Variants in NEK11 observed in about 807,000 individuals in gnomAD.
NEK11 encodes serine/threonine-protein kinase Nek11.
A neutral mutation model predicts 80.7 loss-of-function variants in NEK11; 72 were observed. That is an observed-to-expected ratio of 0.89 (90% confidence interval 0.74 to 1.08). The LOEUF (loss-of-function observed/expected upper bound fraction) is 1.08, where lower values mean the gene tolerates loss of function less well. NEK11 is among the 50% of genes least tolerant of loss of function. The pLI is 0.00. For missense variants in NEK11, 764 were observed against 763.6 expected (o/e 1.00, Z -0.01); for synonymous variants, 251 against 260.7 (o/e 0.96, Z 0.36).
At chr3:131,177,095 T>A (rs559690747) in intron 14 of NEK11, among the ~76,000 whole-genome samples, 1 of 152,222 alleles carries the variant, frequency 6.6e-6, no homozygotes, top group Non-Finnish European at 1.5e-5. Flanking sequence ...GGTTTTCCTT[T>A]AGTTGATGAA....
chr3:131,225,817 T>C (rs898692814), intron 14 of NEK11, among the ~76,000 whole-genome samples: 3 of 152,180 alleles, frequency 2.0e-5, no homozygotes, highest in Admixed American at 2.0e-4. Flanking sequence ...CACCAGAGTG[T>C]GTCATATGTA....
At chr3:131,270,265 C>T (rs2096154921) in intron 16 of NEK11, among the ~76,000 whole-genome samples, 1 of 152,216 alleles carries the variant, frequency 6.6e-6, no homozygotes, top group Admixed American at 6.5e-5. Context: ...TGTCATTTAG[C>T]ACTGGGCCCC....
At chr3:131,105,462 T>G (rs1326570779) in intron 4 of NEK11, among the ~76,000 whole-genome samples, 1 of 152,190 alleles carries the variant, frequency 6.6e-6, no homozygotes, top group Non-Finnish European at 1.5e-5. Context: ...TAGTCCATTC[T>G]CAATGAAGAA....
intron 17 of NEK11, among the ~76,000 whole-genome samples, chr3:131,323,810 T>C (rs1365997482): frequency 1.3e-5 from 2 of 152,226 alleles, no homozygotes; most frequent in African/African-American, 2.4e-5. Flanking sequence ...TGAGTGTCTC[T>C]AGCCAGTAAA....
chr3:131,333,934 T>C (rs1358189560), intron 17 of NEK11, among the ~76,000 whole-genome samples: 1 of 152,188 alleles, frequency 6.6e-6, no homozygotes, highest in Non-Finnish European at 1.5e-5. Context: ...TAAATGTATA[T>C]GCATCCAATA....
chr3:131,341,404 A>C (rs1002987857), intron 17 of NEK11, among the ~76,000 whole-genome samples: 5 of 152,216 alleles, frequency 3.3e-5, no homozygotes, highest in African/African-American at 1.2e-4. Context: ...ATTTTATATG[A>C]AACCAATTAT....
intron 5 of NEK11, among the ~76,000 whole-genome samples, chr3:131,130,851 G>T (rs763051662): frequency 3.9e-5 from 6 of 152,154 alleles, no homozygotes; most frequent in Non-Finnish European, 8.8e-5. Flanking sequence ...ACCCAGGCTG[G>T]AGTGCAGTGG....
intron 17 of NEK11, among the ~76,000 whole-genome samples, chr3:131,335,012 G>A (rs2097158185): frequency 6.6e-6 from 1 of 152,138 alleles, no homozygotes; most frequent in African/African-American, 2.4e-5. Context: ...GGGACCAGAT[G>A]GATTCACAGC....
chr3:131,191,653 G>A (rs1293851956), intron 14 of NEK11, among the ~76,000 whole-genome samples: 1 of 152,094 alleles, frequency 6.6e-6, no homozygotes, highest in African/African-American at 2.4e-5. Flanking sequence ...AACATTGTTT[G>A]GGGGTTATTA....
intron 14 of NEK11, among the ~76,000 whole-genome samples, chr3:131,172,648 A>G (rs1045853277): frequency 1.3e-5 from 2 of 151,714 alleles, no homozygotes; most frequent in African/African-American, 2.4e-5. Flanking sequence ...GAAATATCCC[A>G]TGGACTTCTC....
At chr3:131,206,723 GGTTT>G (rs1406205177) in intron 14 of NEK11, among the ~76,000 whole-genome samples, 1 of 152,160 alleles carries the variant, frequency 6.6e-6, no homozygotes, top group Non-Finnish European at 1.5e-5. Context: ...ACAACGTGCA[GGTTT>G]GTTACATATG....
chr3:131,273,631 A>G lies in NEK11; in HGVS notation c.1718+57A>G, dbSNP rs1257756079. The G allele has an allele frequency of 3.1e-6, 4 of 1,283,350 alleles. No individual in the cohort carries two copies. The Admixed American group carries it at 5.2e-5, about 17-fold the overall frequency. 79.5% of individuals were successfully genotyped at this position (1,283,350 alleles called of 1,614,324 possible). On this transcript the variant is annotated intron_variant, in intron 17 of 17. Coordinates refer to ENST00000383366, the MANE Select transcript of NEK11 (RefSeq NM_024800.5). ...GTGCAGTGTTAAAGCATATTGACCA[A>G]GTGTGTGACCCAGTCATGTGATACT...
intron 10 of NEK11, among the ~76,000 whole-genome samples, chr3:131,157,710 G>C (rs1007972598): frequency 4.6e-5 from 7 of 152,126 alleles, no homozygotes; most frequent in South Asian, 2.1e-4. Context: ...TGGGCTGAAG[G>C]GGGAGGAAGG....
intron 10 of NEK11, 34 bp downstream of exon 10, chr3:131,155,155 G>C (rs770603121): frequency 2.3e-6 from 3 of 1,300,036 alleles, no homozygotes; most frequent in African/African-American, 2.9e-5. Flanking sequence ...AAAGCCCATC[G>C]AGTGTAAATG....
intron 14 of NEK11, among the ~76,000 whole-genome samples, chr3:131,213,216 T>C (rs2094696073): frequency 7.4e-6 from 1 of 136,036 alleles, no homozygotes; most frequent in African/African-American, 2.7e-5. Flanking sequence ...CACACACACA[T>C]CCCATCTTGC....
chr3:131,195,031 G>A (rs1190622691), intron 14 of NEK11, among the ~76,000 whole-genome samples: 1 of 152,118 alleles, frequency 6.6e-6, no homozygotes, highest in African/African-American at 2.4e-5. Flanking sequence ...CCAACGCTGA[G>A]GAGCCCTCAT....
At chr3:131,147,307 A>T (rs1579084153) in intron 7 of NEK11, among the ~76,000 whole-genome samples, 2 of 152,124 alleles carry the variant, frequency 1.3e-5, no homozygotes, top group East Asian at 3.9e-4. Flanking sequence ...GGCCCAGCAT[A>T]ATTTGTTGAA....
rs923274942 is a variant in NEK11 at position 131,105,673 on chromosome 3, C to G, written c.337-4130C>G. Reference sequence around the variant, plus strand: ...TAAAACCATCAGATCTTCTGAGACTCACTCACTGTCATGAGAACAGCATGG... The same window carrying G: ...TAAAACCATCAGATCTTCTGAGACTGACTCACTGTCATGAGAACAGCATGG... On this transcript the variant is annotated intron_variant, in intron 4 of 17. Coordinates refer to ENST00000383366, the MANE Select transcript of NEK11 (RefSeq NM_024800.5). 2.6e-5 allele frequency among the ~76,000 whole-genome samples: 4 copies of G among 152,170 alleles called. No homozygotes were observed. The South Asian group carries it at 8.3e-4, about 32-fold the overall frequency.
chr3:131,299,836 CAT>C (rs1229827374), intron 17 of NEK11, among the ~76,000 whole-genome samples: 2 of 152,146 alleles, frequency 1.3e-5, no homozygotes, highest in Non-Finnish European at 2.9e-5. Context: ...GCAATGAACA[CAT>C]GTGTTGCACT....
Sources: allele counts gnomAD v4.1 joint callset (sites outside exome capture counted in the v4.1 genomes callset), GRCh38; gene constraint gnomAD v4.1.1; transcripts MANE v1.5; gene names NCBI Gene and HGNC (gene_info 2026-07-23, HGNC 2026-07-21).